Variants in LUC7L observed in about 807,000 individuals in gnomAD.
The protein encoded by LUC7L is LUC7 like.
Under a neutral mutation model 51.1 loss-of-function variants are expected in LUC7L, and 29 were observed. The ratio of observed to expected loss-of-function variants is 0.57; its 90% CI spans 0.42 to 0.77. The LOEUF is 0.77. LUC7L is among the 30% of genes least tolerant of loss of function. The probability of loss-of-function intolerance (pLI) is 0.00; values close to 1 mark genes in which losing one functional copy is unlikely to be tolerated. For missense variants in LUC7L, 403 were observed against 511.9 expected (o/e 0.79, Z 2.05); for synonymous variants, 181 against 180.7 (o/e 1.00, Z -0.01).
rs1215673903 is a variant in LUC7L, at chr16:225,689, T to TCATA, written c.156+1552_156+1553insTATG. Among the ~76,000 whole-genome samples, 3 of 151,198 alleles carry TCATA rather than the reference T, an allele frequency of 2.0e-5. No homozygotes were observed. The South Asian group carries it at 6.3e-4, about 32-fold the overall frequency. Reference sequence around the variant, plus strand: ...TAATAGAGACAGGGTTTATCTATGTTGATCAGGCTGGTCGCCAACTCCCAA... The same window carrying TCATA: ...TAATAGAGACAGGGTTTATCTATGTTCATAGATCAGGCTGGTCGCCAACTCCCAA... On this transcript the variant is annotated intron_variant, in intron 2 of 9. Transcript: ENST00000293872.
Position 199,073 on chromosome 16 carries a change from C to A in LUC7L, c.676G>T (p.Asp226Tyr), listed in dbSNP as rs1047822166. The A allele has an allele frequency of 1.2e-6, 2 of 1,608,836 alleles. No homozygotes were observed. The highest frequency in any genetic ancestry group is 2.7e-5 in the African/African-American group (2 of 74,868). The stretch of plus-strand genomic sequence containing the variant: ...ACAGATGAACATACCCTCAACTGAT[C>A]AAGCTTCTCTCGGATCTGAATGAAC... ...LGFIQIREKL[D>Y]QLRKTVAEKQ... The change falls in exon 6 of 10, where the codon GAT becomes TAT. Residue 226 changes from aspartate to tyrosine, a missense_variant. Transcript: ENST00000293872.
intron 3 of LUC7L, among the ~76,000 whole-genome samples, chr16:218,068 C>T (rs1040336879): frequency 6.6e-6 from 1 of 151,768 alleles, no homozygotes; most frequent in African/African-American, 2.4e-5. Flanking sequence ...TGGCAGGCAC[C>T]TGTAATCCCA....
At chr16:227,551 G>T in intron 1 of LUC7L, 1 of 1,381,116 alleles carries the variant, frequency 7.2e-7, no homozygotes, top group Non-Finnish European at 9.4e-7. Context: ...CACTTAATGA[G>T]ATCTGACTCC....
intron 2 of LUC7L, among the ~76,000 whole-genome samples, chr16:224,339 T>C (rs540830862): frequency 1.3e-5 from 2 of 150,036 alleles, no homozygotes; most frequent in African/African-American, 2.5e-5. Flanking sequence ...GCCAACGTGG[T>C]GAAACCCCGT....
In LUC7L at chr16:189,619, G is replaced by A. The variant is rs77797981; in HGVS notation, c.975-280C>T. The A allele has an allele frequency of 1.5e-3, 2,004 of 1,321,590 alleles. 26 individuals carry two copies. The African/African-American group carries it at 0.026, about 17-fold the overall frequency. The allele number at this position is 1,321,590 out of a possible 1,614,324, so 81.9% of individuals were successfully genotyped here. On this transcript the variant is annotated intron_variant, in intron 9 of 9. Coordinates refer to ENST00000293872, the MANE Select transcript of LUC7L (RefSeq NM_201412.3). ...CTATATGCACAGAACATGACACTAC[G>A]TAAAAACACAATGGAAAAAAAAATA... is the stretch of plus-strand genomic sequence containing the variant.
intron 1 of LUC7L, chr16:228,497 C>T (rs890633772): frequency 2.4e-6 from 3 of 1,233,814 alleles, no homozygotes; most frequent in African/African-American, 1.6e-5. Flanking sequence ...ACAAAGAAAG[C>T]TAAAAAGCAC....
intron 3 of LUC7L, among the ~76,000 whole-genome samples, chr16:214,779 G>A (rs954193145): frequency 2.6e-5 from 4 of 152,086 alleles, no homozygotes; most frequent in African/African-American, 9.7e-5. Flanking sequence ...ACCCACCCTA[G>A]TCTCCCAAAG....
intron 3 of LUC7L, among the ~76,000 whole-genome samples, chr16:218,371 A>T (rs1043386527): frequency 6.6e-6 from 1 of 152,186 alleles, no homozygotes; most frequent in African/African-American, 2.4e-5. Context: ...ACCTCTGGTC[A>T]TACTAGCGAT....
chr16:208,008 C>CAA, intron 4 of LUC7L, 70 bp downstream of exon 4: 24 of 977,092 alleles, frequency 2.5e-5, no homozygotes, highest in African/African-American at 5.2e-5. Flanking sequence ...GACTCCATCT[C>CAA]AAAAAAAAAA....
At chr16:219,547 C>G (rs967259936) in intron 3 of LUC7L, among the ~76,000 whole-genome samples, 1 of 152,098 alleles carries the variant, frequency 6.6e-6, no homozygotes, top group African/African-American at 2.4e-5. Context: ...CTGCTGCACT[C>G]CAGCCTGGGC....
intron 6 of LUC7L, among the ~76,000 whole-genome samples, chr16:198,755 C>T (rs981526297): frequency 5.9e-5 from 9 of 151,822 alleles, no homozygotes; most frequent in African/African-American, 1.9e-4. Flanking sequence ...GGCATGATCT[C>T]GGCTCACTGC....
intron 5 of LUC7L, among the ~76,000 whole-genome samples, chr16:202,070 G>C (rs747223829): frequency 6.6e-6 from 1 of 151,980 alleles, no homozygotes; most frequent in Non-Finnish European, 1.5e-5. Flanking sequence ...TGTAAAGATG[G>C]GGTATCCCTA....
intron 3 of LUC7L, chr16:208,631 C>A: frequency 1.0e-6 from 1 of 991,318 alleles, no homozygotes; most frequent in Non-Finnish European, 1.2e-6. Flanking sequence ...AATATTATTC[C>A]CTCATGTTCT....
intron 7 of LUC7L, chr16:190,781 G>C (rs970082123): frequency 3.6e-6 from 2 of 555,968 alleles, no homozygotes; most frequent in African/African-American, 1.9e-5. Flanking sequence ...TCAGGAGACT[G>C]AGGCAGGAAA....
intron 3 of LUC7L, among the ~76,000 whole-genome samples, chr16:213,721 TTTTCTTTA>T (rs1480606659): frequency 6.6e-6 from 1 of 151,388 alleles, no homozygotes; most frequent in Non-Finnish European, 1.5e-5. Context: ...TTTTTTCTTT[TTTTCTTTA>T]TTTGAGACCA....
At chr16:198,734 T>A (rs113631886) in intron 6 of LUC7L, among the ~76,000 whole-genome samples, 19 of 152,162 alleles carry the variant, frequency 1.2e-4, no homozygotes, top group African/African-American at 3.6e-4. Flanking sequence ...TAGCCCAGGC[T>A]GGAATGCAAT....
chr16:216,786 T>C (rs957516049), intron 3 of LUC7L, among the ~76,000 whole-genome samples: 2 of 152,148 alleles, frequency 1.3e-5, no homozygotes, highest in Non-Finnish European at 2.9e-5. Context: ...CATTTTCACA[T>C]AGGACAAAAA....
intron 3 of LUC7L, chr16:209,755 AGTAGGTCAGCT>A (rs1380475493): frequency 6.6e-6 from 1 of 152,224 alleles, no homozygotes; most frequent in African/African-American, 2.4e-5. Context: ...GACAGGAGAC[AGTAGGTCAGCT>A]GTAATAAACT....
intron 3 of LUC7L, chr16:208,585 C>A: frequency 9.7e-7 from 1 of 1,026,084 alleles, no homozygotes; most frequent in Non-Finnish European, 1.2e-6. Flanking sequence ...GTGAGAGATG[C>A]ATATGATGTA....
Sources: gnomAD v4.1 joint callset for allele counts (sites outside exome capture counted in the v4.1 genomes callset) on GRCh38, gnomAD v4.1.1 for gene constraint, MANE v1.5 for transcripts, NCBI Gene and HGNC (gene_info 2026-07-23, HGNC 2026-07-21) for gene names.